Variants in ITIH5 observed in about 807,000 individuals in gnomAD.
ITIH5 encodes the protein inter-alpha-trypsin inhibitor heavy chain H5.
Under a neutral mutation model 77.5 loss-of-function variants are expected in ITIH5, and 65 were observed. That is an observed-to-expected ratio of 0.84 (90% CI 0.69 to 1.03). The LOEUF (loss-of-function observed/expected upper bound fraction) is 1.03. Among genes scored for constraint, ITIH5 ranks in the 50% least tolerant of loss-of-function variants. ITIH5 has a pLI of 0.00. For missense variants in ITIH5, 1,208 were observed against 1,213.1 expected (o/e 1.00, Z 0.06); for synonymous variants, 525 against 494.3 (o/e 1.06, Z -0.82).
chr10:7,587,738 C>T (rs1008227057), intron 7 of ITIH5, among the ~76,000 whole-genome samples: 8 of 152,156 alleles, frequency 5.3e-5, no homozygotes, highest in South Asian at 2.1e-4. Context: ...TGGAAAGCCC[C>T]GGCAGAGCTT....
Position 7,649,121 on chromosome 10 carries a change from G to A in ITIH5, c.135+6510C>T, listed in dbSNP as rs111882834. ...TGGTAGATTATGGGATTGTAAACAC[G>A]AAGAACAGAAGCCATGACTACTACT... On this transcript the variant is annotated intron_variant, in intron 2 of 13. Coordinates refer to ENST00000397146, the MANE Select transcript of ITIH5 (RefSeq NM_030569.7). Among the ~76,000 whole-genome samples the A allele has an allele frequency of 5.1e-4, 77 of 151,946 alleles. No individual in the cohort carries two copies. In the East Asian group the frequency reaches 0.011, roughly 21 times the overall value.
At chr10:7,581,859 G>T (rs1020770628) in intron 8 of ITIH5, among the ~76,000 whole-genome samples, 4 of 141,562 alleles carry the variant, frequency 2.8e-5, no homozygotes, top group African/African-American at 1.1e-4. Context: ...ACCATGCCCG[G>T]CCACCCATGT....
chr10:7,609,148 T>C (rs1327621519), intron 7 of ITIH5, among the ~76,000 whole-genome samples: 1 of 152,222 alleles, frequency 6.6e-6, no homozygotes, highest in Non-Finnish European at 1.5e-5. Flanking sequence ...CACCTTCCCA[T>C]GCATAAAATA....
In ITIH5 at chr10:7,650,189, G is replaced by A. The variant is rs1344293006; in HGVS notation, c.135+5442C>T. ...CCAAGATGCCATCTGGAAATGTGGT[G>A]GAGAAATGGTTGGGACGGCCTTTGC... On this transcript the variant is annotated intron_variant, in intron 2 of 13. Transcript: ENST00000397146. 2.0e-5 allele frequency among the ~76,000 whole-genome samples: 3 copies of A among 152,210 alleles called. No homozygotes were observed. The East Asian group carries it at 5.8e-4, about 29-fold the overall frequency.
intron 8 of ITIH5, among the ~76,000 whole-genome samples, chr10:7,580,864 C>T (rs1160913291): frequency 2.0e-5 from 3 of 152,180 alleles, no homozygotes; most frequent in Non-Finnish European, 2.9e-5. Context: ...CTTCAGATCA[C>T]CTCTGCTTGC....
At chr10:7,568,247 G>A (rs1021487912) in intron 12 of ITIH5, among the ~76,000 whole-genome samples, 1 of 152,168 alleles carries the variant, frequency 6.6e-6, no homozygotes, top group Non-Finnish European at 1.5e-5. Context: ...TCTGCTTTGA[G>A]AACAATCTTC....
At position 7,559,913 on chromosome 10, in the gene ITIH5, G is replaced by A. The variant is rs534169605; in HGVS notation, c.*3170C>T. 1.3e-5 allele frequency: 6 copies of A among 447,594 alleles called. No homozygotes were observed. Among genetic ancestry groups the A allele is most frequent in the East Asian group, 1.4e-4 (2 of 14,192 alleles). 27.7% of individuals were successfully genotyped at this position (447,594 alleles called of 1,614,324 possible). A position where few individuals can be genotyped will look rare whatever the true frequency, so the allele number is the denominator to read the frequency against. ...GTCACTCCAGCTGGAGTGCAGTGGC[G>A]TGATCTTGGCTCACTACAAGTTCCG... On this transcript the variant is annotated 3_prime_UTR_variant, in exon 14 of 14. Coordinates refer to ENST00000397146, the MANE Select transcript of ITIH5 (RefSeq NM_030569.7).
chr10:7,592,588 C>A (rs1019423915), intron 7 of ITIH5, among the ~76,000 whole-genome samples: 1 of 152,116 alleles, frequency 6.6e-6, no homozygotes, highest in Non-Finnish European at 1.5e-5. Context: ...TGAGACACAG[C>A]CCAGCCCTTG....
At chr10:7,659,265 G>A (rs1420937991) in intron 1 of ITIH5, among the ~76,000 whole-genome samples, 5 of 151,938 alleles carry the variant, frequency 3.3e-5, no homozygotes, top group Admixed American at 3.3e-4. Context: ...TATATTCCCA[G>A]CTACTTGGGA....
At chr10:7,657,158 C>CCTTA (rs1435541571) in intron 1 of ITIH5, among the ~76,000 whole-genome samples, 2 of 151,302 alleles carry the variant, frequency 1.3e-5, no homozygotes, top group Non-Finnish European at 2.9e-5. Context: ...GATTCCCCTG[C>CCTTA]CTTAGCCTCC....
intron 5 of ITIH5, among the ~76,000 whole-genome samples, chr10:7,629,520 C>CAT (rs1564269954): frequency 2.5e-5 from 3 of 118,292 alleles, no homozygotes; most frequent in African/African-American, 9.3e-5. Flanking sequence ...AGCGTGTGTC[C>CAT]GTGTTGCAGC....
chr10:7,614,657 T>C (rs1833328489), intron 7 of ITIH5, among the ~76,000 whole-genome samples: 2 of 152,088 alleles, frequency 1.3e-5, no homozygotes, highest in South Asian at 4.1e-4. Flanking sequence ...TTTTGCTCTA[T>C]TGGAGTGTAG....
chr10:7,635,023 T>G (rs867457580), intron 5 of ITIH5, among the ~76,000 whole-genome samples: 1 of 152,182 alleles, frequency 6.6e-6, no homozygotes, highest in Non-Finnish European at 1.5e-5. Flanking sequence ...GGTCTCAAAC[T>G]CCTGATCTTC....
At chr10:7,630,606 C>T (rs1413811436) in intron 5 of ITIH5, among the ~76,000 whole-genome samples, 2 of 152,080 alleles carry the variant, frequency 1.3e-5, no homozygotes, top group Non-Finnish European at 2.9e-5. Context: ...TTTGGCCATT[C>T]ATATGTCTTC....
chr10:7,591,714 C>G (rs1415766776), intron 7 of ITIH5, among the ~76,000 whole-genome samples: 1 of 152,180 alleles, frequency 6.6e-6, no homozygotes, highest in African/African-American at 2.4e-5. Context: ...TCCCTGCCTC[C>G]CAGCCCTGCC....
intron 7 of ITIH5, among the ~76,000 whole-genome samples, chr10:7,592,878 C>CGGTGGTGGGGCAGTGCTGG (rs141134985): frequency 6.6e-6 from 1 of 151,974 alleles, no homozygotes; most frequent in East Asian, 1.9e-4. Flanking sequence ...CATGCAGTGG[C>CGGTGGTGGGGCAGTGCTGG]GGTGGTGGGG....
At chr10:7,650,315 T>C (rs1357715039) in intron 2 of ITIH5, among the ~76,000 whole-genome samples, 2 of 152,230 alleles carry the variant, frequency 1.3e-5, no homozygotes, top group Non-Finnish European at 2.9e-5. Context: ...ATTATGGAGG[T>C]GGGAGAGAAC....
At chr10:7,609,381 A>G (rs1833195336) in intron 7 of ITIH5, 1 of 450,650 alleles carries the variant, frequency 2.2e-6, no homozygotes, top group Non-Finnish European at 4.4e-6. Context: ...ATCAAACACA[A>G]GATGTTCCCC....
chr10:7,666,692 T>TGG, intron 1 of ITIH5, 111 bp downstream of exon 1: 1 of 761,642 alleles, frequency 1.3e-6, no homozygotes. Context: ...GGGCCTCTGG[T>TGG]GGGGGCCTGG....
Sources: allele counts gnomAD v4.1 joint callset (sites outside exome capture counted in the v4.1 genomes callset), GRCh38; gene constraint gnomAD v4.1.1; transcripts MANE v1.5; gene names NCBI Gene and HGNC (gene_info 2026-07-23, HGNC 2026-07-21).